Variants in ZMIZ1 observed in about 807,000 individuals in gnomAD.
ZMIZ1 encodes the protein zinc finger MIZ-type containing 1, also known as zinc finger MIZ domain-containing protein 1.
A neutral mutation model predicts 113.9 loss-of-function variants in ZMIZ1; 17 were observed. The observed-to-expected ratio is 0.15, with a 90% confidence interval of 0.10 to 0.22. The LOEUF (loss-of-function observed/expected upper bound fraction) is 0.22, where lower values mean the gene tolerates loss of function less well. Among genes scored for constraint, ZMIZ1 ranks in the 10% least tolerant of loss-of-function variants. The pLI is 1.00. For synonymous variants in ZMIZ1, 607 were observed against 603.1 expected, an observed-to-expected ratio of 1.01 and a Z score of -0.09; for missense variants, 1,059 against 1,477.8, an observed-to-expected ratio of 0.72 and a Z score of 4.65.
rs773390253 is a variant in ZMIZ1 at position 79,292,163 on chromosome 10, C to T, written c.764C>T (p.Pro255Leu). 1 of 1,608,454 alleles carries T rather than the reference C, an allele frequency of 6.2e-7. No homozygotes were observed. The highest frequency in any genetic ancestry group is 1.1e-5 in the South Asian group (1 of 90,838). Residue 255 changes from proline to leucine, a missense_variant, in exon 11 of 25, where the codon CCT becomes CTT. By Grantham distance (98) the Pro-to-Leu change is moderately conservative. Coordinates refer to ENST00000334512, the MANE Select transcript of ZMIZ1 (RefSeq NM_020338.4). ...CCACCCTTCTCCCCCTGCAGTTACC[C>T]TGGGGGTCCTAACGCCCCCGCAGGC... ...PGSGGFGASY[P>L]GGPNAPAGMG...
intron 4 of ZMIZ1, among the ~76,000 whole-genome samples, chr10:79,167,762 C>A (rs772162181): frequency 1.1e-4 from 16 of 152,196 alleles, no homozygotes; most frequent in Non-Finnish European, 1.8e-4. Flanking sequence ...CCTGACAGTG[C>A]GCATACACCC....
intron 23 of ZMIZ1, among the ~76,000 whole-genome samples, chr10:79,309,777 C>T (rs982698602): frequency 3.9e-5 from 6 of 152,184 alleles, no homozygotes; most frequent in Admixed American, 2.0e-4. Context: ...TGTGGCTGCC[C>T]CAGGATGGGG....
At chr10:79,107,902 T>G (rs1456280936) in intron 1 of ZMIZ1, among the ~76,000 whole-genome samples, 1 of 152,208 alleles carries the variant, frequency 6.6e-6, no homozygotes, top group Admixed American at 6.5e-5. Context: ...GAGTCCTGCC[T>G]GAGGGCCCTG....
chr10:79,310,457 C>T (rs1291177569), intron 23 of ZMIZ1, among the ~76,000 whole-genome samples: 1 of 152,218 alleles, frequency 6.6e-6, no homozygotes, highest in Non-Finnish European at 1.5e-5. Flanking sequence ...GAGCCGCACG[C>T]CCGCCCAATG....
intron 1 of ZMIZ1, among the ~76,000 whole-genome samples, chr10:79,072,204 G>A (rs1282716047): frequency 6.6e-6 from 1 of 152,172 alleles, no homozygotes; most frequent in South Asian, 2.1e-4. Context: ...CACAGCCAGG[G>A]GCAAAATGAA....
intron 2 of ZMIZ1, among the ~76,000 whole-genome samples, chr10:79,138,208 G>A (rs1322094456): frequency 6.6e-6 from 1 of 152,228 alleles, no homozygotes; most frequent in Non-Finnish European, 1.5e-5. Flanking sequence ...ACACAGGGAG[G>A]CAGAGGCCCA....
At chr10:79,171,900 C>T (rs1846616993) in intron 4 of ZMIZ1, among the ~76,000 whole-genome samples, 2 of 152,150 alleles carry the variant, frequency 1.3e-5, no homozygotes, top group African/African-American at 4.8e-5. Context: ...ATTGAGGCAG[C>T]CACAGGCTCA....
chr10:79,170,509 T>G (rs1363310610), intron 4 of ZMIZ1, among the ~76,000 whole-genome samples: 1 of 152,200 alleles, frequency 6.6e-6, no homozygotes, highest in Non-Finnish European at 1.5e-5. Context: ...TTCCCTTGCC[T>G]TCCAGGAGGC....
intron 1 of ZMIZ1, among the ~76,000 whole-genome samples, chr10:79,108,944 C>G (rs960959060): frequency 6.6e-6 from 1 of 152,052 alleles, no homozygotes; most frequent in Non-Finnish European, 1.5e-5. Flanking sequence ...AGTGGGCACA[C>G]CCAGGCCCAC....
Position 79,314,280 on chromosome 10 carries a change from G to C in ZMIZ1, c.*1531G>C, listed in dbSNP as rs1855396915. On this transcript the variant is annotated 3_prime_UTR_variant, in exon 25 of 25. Coordinates refer to ENST00000334512, the MANE Select transcript of ZMIZ1 (RefSeq NM_020338.4). The stretch of plus-strand genomic sequence containing the variant: ...GTGATGCCAGGTTGTCCCGTCACTG[G>C]GGTCCCATCTGTAAATTCTTTGCGC... 2.2e-6 allele frequency: 1 copy of C among 456,562 alleles called. No homozygotes were observed. Among genetic ancestry groups the C allele is most frequent in the African/African-American group, 2.0e-5 (1 of 50,048 alleles). The allele number at this position is 456,562 out of a possible 1,614,324, so 28.3% of individuals were successfully genotyped here.
At chr10:79,304,888 G>A (rs1199345489) in intron 19 of ZMIZ1, among the ~76,000 whole-genome samples, 1 of 152,206 alleles carries the variant, frequency 6.6e-6, no homozygotes, top group Non-Finnish European at 1.5e-5. Context: ...AAAACAGTGA[G>A]TCAGCTGGGG....
At chr10:79,308,377 A>G (rs534859702) in intron 23 of ZMIZ1, among the ~76,000 whole-genome samples, 1 of 152,182 alleles carries the variant, frequency 6.6e-6, no homozygotes, top group Non-Finnish European at 1.5e-5. Context: ...AAGCCTCCGG[A>G]GGCTGAAGTG....
At chr10:79,189,942 G>A (rs1246484810) in intron 4 of ZMIZ1, among the ~76,000 whole-genome samples, 1 of 152,238 alleles carries the variant, frequency 6.6e-6, no homozygotes, top group African/African-American at 2.4e-5. Flanking sequence ...TCCACTAAAT[G>A]AAGATCGGGC....
chr10:79,258,497 C>T (rs1021534583), intron 7 of ZMIZ1, among the ~76,000 whole-genome samples: 1 of 152,246 alleles, frequency 6.6e-6, no homozygotes, highest in East Asian at 1.9e-4. Flanking sequence ...GCCCCTGCCT[C>T]CTGTTTCGGG....
At chr10:79,235,167 T>C (rs1215188536) in intron 7 of ZMIZ1, among the ~76,000 whole-genome samples, 1 of 151,944 alleles carries the variant, frequency 6.6e-6, no homozygotes, top group East Asian at 1.9e-4. Context: ...CCCCTGGAGG[T>C]GGGGGACACC....
intron 4 of ZMIZ1, among the ~76,000 whole-genome samples, chr10:79,163,432 CAG>C (rs1390416993): frequency 6.6e-6 from 1 of 152,276 alleles, no homozygotes; most frequent in Non-Finnish European, 1.5e-5. Context: ...ACATTGCTGA[CAG>C]AGCTGCTGTG....
At chr10:79,121,606 G>A (rs1025136984) in intron 2 of ZMIZ1, among the ~76,000 whole-genome samples, 6 of 152,248 alleles carry the variant, frequency 3.9e-5, no homozygotes, top group Non-Finnish European at 8.8e-5. Flanking sequence ...GAGGCTTGGA[G>A]GAGTCCTAGG....
At chr10:79,215,319 A>T (rs1301335108) in intron 6 of ZMIZ1, among the ~76,000 whole-genome samples, 11 of 132,140 alleles carry the variant, frequency 8.3e-5, no homozygotes, top group Admixed American at 5.1e-4. Flanking sequence ...TTTTTTTTTG[A>T]GAAGGAGTCT....
At position 79,118,665 on chromosome 10, in the gene ZMIZ1, C is replaced by T. The variant is rs979476279; in HGVS notation, c.-336-250C>T. On this transcript the variant is annotated intron_variant, in intron 1 of 24. Transcript: ENST00000334512. The surrounding 1 kb of genome is among the most constrained non-coding windows in gnomAD (Gnocchi z 4.1). ...GGTGGGCAGGCAGGTTTGGCTGCTG[C>T]TGTGGTCTGGCTTTCAGGGCTGCGG... Among the ~76,000 whole-genome samples the T allele has an allele frequency of 1.3e-5, 2 of 152,192 alleles. No homozygotes were observed. The highest frequency in any genetic ancestry group is 2.9e-5 in the Non-Finnish European group (2 of 68,020).
Sources: allele counts gnomAD v4.1 joint callset (sites outside exome capture counted in the v4.1 genomes callset), GRCh38; gene constraint gnomAD v4.1.1; non-coding constraint Gnocchi (gnomAD v3.1); transcripts MANE v1.5; gene names NCBI Gene and HGNC (gene_info 2026-07-23, HGNC 2026-07-21).